IL1RAPL2: variants seen among roughly 807,000 people sequenced by gnomAD.
IL1RAPL2 encodes X-linked interleukin-1 receptor accessory protein-like 2.
IL1RAPL2 carries 3 observed loss-of-function variants against 44.1 expected under a neutral mutation model. That is an observed-to-expected ratio of 0.07 (90% CI 0.03 to 0.18). The LOEUF (loss-of-function observed/expected upper bound fraction) is 0.18. Among genes scored for constraint, IL1RAPL2 ranks in the 10% least tolerant of loss-of-function variants. IL1RAPL2 has a pLI of 1.00. For synonymous variants in IL1RAPL2, 181 were observed against 178.8 expected (o/e 1.01, Z -0.10); for missense variants, 391 against 496.4 (o/e 0.79, Z 2.02).
At position 104,871,682 on chromosome X, in the gene IL1RAPL2, T is replaced by C. The variant is rs183093401; in HGVS notation, c.82+212687T>C. On this transcript the variant is annotated intron_variant, in intron 2 of 10. Transcript: ENST00000372582. Reference sequence around the variant, plus strand: ...CAGGAAGATCTTGGAAGGATTCAAATATGACACACAAAGGGGATTAGAATG... The same window carrying C: ...CAGGAAGATCTTGGAAGGATTCAAACATGACACACAAAGGGGATTAGAATG... Among the ~76,000 whole-genome samples, 306 of 111,469 alleles carry C rather than the reference T, an allele frequency of 2.7e-3. 3 individuals carry two copies. The highest frequency in any genetic ancestry group is 4.7e-3 in the Non-Finnish European group (247 of 52,983).
intron 6 of IL1RAPL2, among the ~76,000 whole-genome samples, chrX:105,635,008 A>G (rs1012268667): frequency 9.0e-6 from 1 of 111,677 alleles, no homozygotes; most frequent in Non-Finnish European, 1.9e-5. Context: ...GTTGATAAAG[A>G]CTTCACAAAA....
intron 2 of IL1RAPL2, among the ~76,000 whole-genome samples, chrX:105,142,921 T>C (rs945045645): frequency 6.3e-5 from 7 of 110,558 alleles, no homozygotes; most frequent in Non-Finnish European, 1.1e-4. Flanking sequence ...AATGATGGTT[T>C]CCAGCTTCAT....
intron 6 of IL1RAPL2, among the ~76,000 whole-genome samples, chrX:105,503,654 C>A (rs890536897): frequency 3.6e-5 from 4 of 111,756 alleles, no homozygotes; most frequent in African/African-American, 1.3e-4. Context: ...CAAAGTGCCA[C>A]AAATGGGTAG....
At chrX:105,053,844 G>T (rs1351882611) in intron 2 of IL1RAPL2, among the ~76,000 whole-genome samples, 4 of 111,152 alleles carry the variant, frequency 3.6e-5, no homozygotes, top group Non-Finnish European at 7.5e-5. Context: ...ATTTTTAAAA[G>T]ATTTAATTAG....
chrX:105,601,801 A>AC (rs1272737755), intron 6 of IL1RAPL2, among the ~76,000 whole-genome samples: 5 of 110,741 alleles, frequency 4.5e-5, no homozygotes, highest in African/African-American at 1.6e-4. Context: ...ACATCCTGTG[A>AC]CCCCTCAATT....
chrX:105,053,046 C>T (rs1245429342), intron 2 of IL1RAPL2, among the ~76,000 whole-genome samples: 1 of 110,591 alleles, frequency 9.0e-6, no homozygotes, highest in African/African-American at 3.3e-5. Flanking sequence ...GCAGAAATCA[C>T]CTGCCTTCTG....
intron 5 of IL1RAPL2, among the ~76,000 whole-genome samples, chrX:105,433,628 A>T (rs959827541): frequency 2.7e-4 from 30 of 111,523 alleles, no homozygotes; most frequent in African/African-American, 8.8e-4. Flanking sequence ...GGCTTTGAAA[A>T]TATAAAGCTG....
intron 2 of IL1RAPL2, among the ~76,000 whole-genome samples, chrX:104,798,788 AC>A (rs756498180): frequency 9.0e-6 from 1 of 111,384 alleles, no homozygotes; most frequent in African/African-American, 3.3e-5. Flanking sequence ...GCTTATAAAT[AC>A]AATGTCCCTC....
chrX:105,421,883 A>G (rs945558736), intron 5 of IL1RAPL2, among the ~76,000 whole-genome samples: 1 of 112,273 alleles, frequency 8.9e-6, no homozygotes, highest in African/African-American at 3.2e-5. Context: ...AAATAACTGA[A>G]AACATTATTT....
intron 5 of IL1RAPL2, among the ~76,000 whole-genome samples, chrX:105,323,053 TC>T (rs1603065365): frequency 2.7e-5 from 3 of 111,725 alleles, no homozygotes; most frequent in East Asian, 2.8e-4. Flanking sequence ...GTGACCCAAA[TC>T]CTATTAAGAA....
chrX:104,647,123 G>C (rs1438817413), intron 1 of IL1RAPL2: 1 of 227,985 alleles, frequency 4.4e-6, no homozygotes, highest in African/African-American at 2.9e-5. Flanking sequence ...CTGGGATAGG[G>C]GCAGAAGGAA....
At chrX:104,996,619 G>A (rs1019658193) in intron 2 of IL1RAPL2, among the ~76,000 whole-genome samples, 3 of 112,050 alleles carry the variant, frequency 2.7e-5, no homozygotes, top group African/African-American at 9.7e-5. Context: ...GATGAATAGA[G>A]AATATTATGC....
intron 2 of IL1RAPL2, among the ~76,000 whole-genome samples, chrX:105,187,481 G>A (rs1358259917): frequency 3.6e-5 from 4 of 111,308 alleles, no homozygotes; most frequent in Non-Finnish European, 7.5e-5. Context: ...TGGAGGAAAG[G>A]GAACTCTTGC....
chrX:104,825,579 C>A (rs2147625842), intron 2 of IL1RAPL2, among the ~76,000 whole-genome samples: 1 of 112,022 alleles, frequency 8.9e-6, no homozygotes, highest in African/African-American at 3.2e-5. Context: ...GTTAGATGCA[C>A]CATAATTTGA....
chrX:104,849,520 C>A (rs1403280782), intron 2 of IL1RAPL2, among the ~76,000 whole-genome samples: 1 of 107,598 alleles, frequency 9.3e-6, no homozygotes, highest in Non-Finnish European at 1.9e-5. Flanking sequence ...TAAGTAATAG[C>A]CTTAAATATA....
intron 2 of IL1RAPL2, among the ~76,000 whole-genome samples, chrX:105,050,444 C>A (rs1569370139): frequency 8.9e-6 from 1 of 112,058 alleles, no homozygotes; most frequent in Non-Finnish European, 1.9e-5. Context: ...TGTCTGAATC[C>A]TCTGTAGGAT....
chrX:105,553,061 T>A (rs1178678946), intron 6 of IL1RAPL2, among the ~76,000 whole-genome samples: 1 of 112,320 alleles, frequency 8.9e-6, no homozygotes, highest in East Asian at 2.8e-4. Flanking sequence ...CCTAGTAGAT[T>A]TTCCTAGACT....
intron 2 of IL1RAPL2, among the ~76,000 whole-genome samples, chrX:104,659,362 T>G (rs779126678): frequency 3.8e-4 from 43 of 112,129 alleles, no homozygotes; most frequent in African/African-American, 1.3e-3. Context: ...TGTGTAGCAT[T>G]GCAATTTAAA....
intron 5 of IL1RAPL2, among the ~76,000 whole-genome samples, chrX:105,482,115 T>C (rs958737061): frequency 8.9e-6 from 1 of 112,406 alleles, no homozygotes; most frequent in Non-Finnish European, 1.9e-5. Context: ...ATCTACAGAT[T>C]TACCTAATTA....
Sources: allele counts gnomAD v4.1 joint callset (sites outside exome capture counted in the v4.1 genomes callset), GRCh38; gene constraint gnomAD v4.1.1; transcripts MANE v1.5; gene names NCBI Gene and HGNC (gene_info 2026-07-23, HGNC 2026-07-21).